Variants in ACBD6 observed in about 807,000 individuals in gnomAD.
ACBD6 encodes acyl-CoA binding domain containing 6, also known as acyl-CoA-binding domain-containing protein 6.
ACBD6 carries 28 observed loss-of-function variants against 37.2 expected under a neutral mutation model. The ratio of observed to expected loss-of-function variants is 0.75; its 90% CI spans 0.56 to 1.03. The LOEUF (loss-of-function observed/expected upper bound fraction) is 1.03, where lower values mean the gene tolerates loss of function less well. ACBD6 is among the 50% of genes least tolerant of loss of function. The pLI, the probability that ACBD6 is intolerant of heterozygous loss-of-function variation, is 0.00. For missense variants in ACBD6, 340 were observed against 337.4 expected (o/e 1.01, Z -0.06); for synonymous variants, 113 against 126.8 (o/e 0.89, Z 0.73).
chr1:180,421,981 A>G (rs1648384383), intron 4 of ACBD6, among the ~76,000 whole-genome samples: 1 of 152,048 alleles, frequency 6.6e-6, no homozygotes. Flanking sequence ...CTTTGCTGGC[A>G]TTACATTTTC....
intron 7 of ACBD6, among the ~76,000 whole-genome samples, chr1:180,306,432 C>T (rs965074836): frequency 6.6e-6 from 1 of 152,116 alleles, no homozygotes; most frequent in African/African-American, 2.4e-5. Context: ...CTCTCAGAAG[C>T]ACGCGTGCCC....
At chr1:180,341,692 T>G (rs72714808) in intron 6 of ACBD6, among the ~76,000 whole-genome samples, 2,994 of 152,286 alleles carry the variant, frequency 0.02, 47 homozygotes, top group Admixed American at 0.034. Context: ...CTTCCACTAT[T>G]CTTCCTGTTA....
intron 3 of ACBD6, among the ~76,000 whole-genome samples, chr1:180,437,531 T>C (rs1649094571): frequency 6.6e-6 from 1 of 152,140 alleles, no homozygotes; most frequent in South Asian, 2.1e-4. Flanking sequence ...TTTGAAAGTT[T>C]TTCCTAAAAT....
chr1:180,435,058 A>C, intron 3 of ACBD6: 1 of 842,958 alleles, frequency 1.2e-6, no homozygotes, highest in Non-Finnish European at 2.1e-6. Flanking sequence ...GTGGAAGGTC[A>C]GCTTGCACAT....
intron 4 of ACBD6, among the ~76,000 whole-genome samples, chr1:180,416,513 A>G (rs537030469): frequency 6.6e-6 from 1 of 152,262 alleles, no homozygotes; most frequent in East Asian, 1.9e-4. Context: ...GAATCTCAAA[A>G]TTATCATATT....
intron 3 of ACBD6, among the ~76,000 whole-genome samples, chr1:180,488,066 T>A (rs899425016): frequency 6.6e-6 from 1 of 152,140 alleles, no homozygotes; most frequent in Non-Finnish European, 1.5e-5. Context: ...CTCCAACTTA[T>A]CTCAAACAAT....
intron 6 of ACBD6, among the ~76,000 whole-genome samples, chr1:180,385,599 G>A (rs569785388): frequency 4.6e-5 from 7 of 151,996 alleles, no homozygotes; most frequent in African/African-American, 1.2e-4. Flanking sequence ...GGGCCTTAAC[G>A]TGATAGGGCT....
At chr1:180,385,246 G>T (rs943330557) in intron 6 of ACBD6, among the ~76,000 whole-genome samples, 1 of 151,244 alleles carries the variant, frequency 6.6e-6, no homozygotes, top group African/African-American at 2.4e-5. Flanking sequence ...AAACACAAAA[G>T]AAGTCAGGAA....
intron 6 of ACBD6, among the ~76,000 whole-genome samples, chr1:180,387,240 G>T (rs561524226): frequency 3.3e-5 from 5 of 152,130 alleles, no homozygotes; most frequent in African/African-American, 4.8e-5. Flanking sequence ...TATAATGTAC[G>T]AGTCACTCTG....
intron 6 of ACBD6, among the ~76,000 whole-genome samples, chr1:180,384,212 A>G (rs1653762565): frequency 6.6e-6 from 1 of 152,132 alleles, no homozygotes; most frequent in Non-Finnish European, 1.5e-5. Flanking sequence ...TCAAAAGAGT[A>G]AAGAGTCAAC....
chr1:180,381,433 C>T (rs1451121326), intron 6 of ACBD6, among the ~76,000 whole-genome samples: 1 of 152,146 alleles, frequency 6.6e-6, no homozygotes, highest in Non-Finnish European at 1.5e-5. Flanking sequence ...CATCAGCATG[C>T]AGAAAATTCT....
intron 5 of ACBD6, among the ~76,000 whole-genome samples, chr1:180,399,134 T>C (rs1647238914): frequency 1.3e-5 from 2 of 152,182 alleles, no homozygotes; most frequent in Non-Finnish European, 1.5e-5. Context: ...TGTTTTCTAA[T>C]AAGCTTACAC....
At chr1:180,396,165 T>C (rs140473684) in intron 6 of ACBD6, among the ~76,000 whole-genome samples, 35 of 152,122 alleles carry the variant, frequency 2.3e-4, no homozygotes, top group Non-Finnish European at 4.7e-4. Context: ...GGGAAATTAG[T>C]GTTTAATGGT....
At position 180,366,637 on chromosome 1, in the gene ACBD6, T is replaced by C. The variant is rs115016490; in HGVS notation, c.663+30879A>G. Among the ~76,000 whole-genome samples the C allele has an allele frequency of 3.6e-3, 546 of 152,238 alleles. 9 individuals are homozygous for C. The highest frequency in any genetic ancestry group is 0.012 in the African/African-American group (499 of 41,552). On this transcript the variant is annotated intron_variant, in intron 6 of 7. Transcript: ENST00000367595. ...TGTGAGCCAGCTGTTCATTCTCAGATATAAACTTAGCAAAGGAAGTGACTA... is the reference window on the plus strand; with the variant it reads ...TGTGAGCCAGCTGTTCATTCTCAGACATAAACTTAGCAAAGGAAGTGACTA...
chr1:180,405,095 T>C (rs1647556928), intron 5 of ACBD6, among the ~76,000 whole-genome samples: 1 of 152,196 alleles, frequency 6.6e-6, no homozygotes, highest in African/African-American at 2.4e-5. Flanking sequence ...TACCCTGATA[T>C]AGAAAGTGAT....
At chr1:180,370,696 A>G (rs1020352111) in intron 6 of ACBD6, among the ~76,000 whole-genome samples, 1 of 152,104 alleles carries the variant, frequency 6.6e-6, no homozygotes, top group Non-Finnish European at 1.5e-5. Flanking sequence ...TTCTGAGAGC[A>G]GAGGTTGCTT....
exon 14 of ACBD6, chr1:180,271,686 C>T: frequency 7.6e-7 from 1 of 1,311,374 alleles, no homozygotes; most frequent in Non-Finnish European, 1.1e-6. Context: ...TGAGGCCCAC[C>T]TGGGGAGAGG....
intron 3 of ACBD6, among the ~76,000 whole-genome samples, chr1:180,468,044 G>A (rs1650417684): frequency 6.6e-6 from 1 of 152,188 alleles, no homozygotes; most frequent in African/African-American, 2.4e-5. Context: ...GGGTGTGGCA[G>A]GAGTGGAGGA....
chr1:180,485,943 CAAAA>C (rs545012657), intron 3 of ACBD6, among the ~76,000 whole-genome samples: 1 of 119,128 alleles, frequency 8.4e-6, no homozygotes. Context: ...CTCCCAGTAG[CAAAA>C]AAAAAAAAAA....
Sources: gnomAD v4.1 joint callset for allele counts (sites outside exome capture counted in the v4.1 genomes callset) on GRCh38, gnomAD v4.1.1 for gene constraint, MANE v1.5 for transcripts, NCBI Gene and HGNC (gene_info 2026-07-23, HGNC 2026-07-21) for gene names.